The following UNC79 variants were observed in gnomAD, a reference collection of about 807,000 sequenced individuals.
The protein encoded by UNC79 is unc-79 subunit of NALCN channel complex.
UNC79 carries 37 observed loss-of-function variants against 283.1 expected under a neutral mutation model. The ratio of observed to expected loss-of-function variants is 0.13; its 90% CI spans 0.10 to 0.17. The LOEUF is 0.17. UNC79 is among the 10% of genes least tolerant of loss of function. The pLI is 1.00. For synonymous variants in UNC79, 1,107 were observed against 1,200.2 expected (o/e 0.92, Z 1.61); for missense variants, 2,272 against 3,211.1 (o/e 0.71, Z 7.07).
intron 24 of UNC79, among the ~76,000 whole-genome samples, chr14:93,599,054 A>G (rs888072578): frequency 1.3e-5 from 2 of 152,252 alleles, no homozygotes; most frequent in African/African-American, 4.8e-5. Context: ...TAGAGCCTCC[A>G]AAGTTCTGAT....
chr14:93,616,831 T>C (rs1001718635), intron 27 of UNC79, among the ~76,000 whole-genome samples: 3 of 152,244 alleles, frequency 2.0e-5, no homozygotes, highest in Non-Finnish European at 4.4e-5. Context: ...CATTGTCTAG[T>C]TTAACTCTGG....
At chr14:93,698,828 G>A (rs955608596) in intron 47 of UNC79, among the ~76,000 whole-genome samples, 2 of 152,160 alleles carry the variant, frequency 1.3e-5, no homozygotes, top group Non-Finnish European at 2.9e-5. Context: ...TATCTTGATT[G>A]TGGTGCATGG....
At chr14:93,582,372 G>T in intron 20 of UNC79, 28 bp downstream of exon 20, 1 of 1,608,592 alleles carries the variant, frequency 6.2e-7, no homozygotes, top group Non-Finnish European at 8.5e-7. Flanking sequence ...GCCGGGGAAT[G>T]CGCCACGTGC....
At chr14:93,669,346 A>C in intron 40 of UNC79, among the ~76,000 whole-genome samples, 1 of 152,172 alleles carries the variant, frequency 6.6e-6, no homozygotes, top group East Asian at 1.9e-4. Context: ...AGATATTCAG[A>C]GGTGTTAGCC....
At chr14:93,590,339 A>G (rs2064566623) in intron 22 of UNC79, among the ~76,000 whole-genome samples, 1 of 152,150 alleles carries the variant, frequency 6.6e-6, no homozygotes, top group East Asian at 1.9e-4. Flanking sequence ...CTGCAGTGGG[A>G]GGAAGAAGCT....
intron 2 of UNC79, among the ~76,000 whole-genome samples, chr14:93,471,608 ACAT>A (rs1043434583): frequency 6.6e-6 from 1 of 152,134 alleles, no homozygotes; most frequent in Non-Finnish European, 1.5e-5. Context: ...ACTTCACAAA[ACAT>A]CATAAAATCA....
rs182474567 is a variant in UNC79 at position 93,620,378 on chromosome 14, C to T, written c.4388-1243C>T. Among the ~76,000 whole-genome samples, 19 of 152,324 alleles carry T rather than the reference C, an allele frequency of 1.2e-4. No individual in the cohort carries two copies. The East Asian group carries it at 3.7e-3, about 29-fold the overall frequency. On this transcript the variant is annotated intron_variant, in intron 29 of 48. Coordinates refer to ENST00000555664, the Ensembl canonical transcript of UNC79. Reference sequence around the variant, plus strand: ...TGTAGAGTACAGTATTTTGCATTCACACCGTATAAGGTGCATGTACTGTTA... The same window carrying T: ...TGTAGAGTACAGTATTTTGCATTCATACCGTATAAGGTGCATGTACTGTTA...
At chr14:93,568,308 T>C (rs8016684) in intron 14 of UNC79, among the ~76,000 whole-genome samples, 2,154 of 152,280 alleles carry the variant, frequency 0.014, 63 homozygotes, top group African/African-American at 0.05. Context: ...ATCCTTACTC[T>C]GTCTCACATA....
chr14:93,670,302 G>T (rs886894032), intron 40 of UNC79, among the ~76,000 whole-genome samples: 1 of 152,186 alleles, frequency 6.6e-6, no homozygotes, highest in Non-Finnish European at 1.5e-5. Context: ...TGAGGGCTCA[G>T]CCCCTAAGAC....
intron 1 of UNC79, among the ~76,000 whole-genome samples, chr14:93,366,942 G>A (rs1001412175): frequency 3.9e-5 from 6 of 152,158 alleles, no homozygotes; most frequent in African/African-American, 1.4e-4. Flanking sequence ...CCAAAAGACA[G>A]TATTACCAAG....
intron 42 of UNC79, among the ~76,000 whole-genome samples, chr14:93,686,085 G>A (rs1446461701): frequency 6.6e-6 from 1 of 152,146 alleles, no homozygotes; most frequent in African/African-American, 2.4e-5. Context: ...CAGCAAACAC[G>A]ATGCTTGTTT....
At chr14:93,585,384 C>T (rs1304820900) in intron 20 of UNC79, among the ~76,000 whole-genome samples, 2 of 152,214 alleles carry the variant, frequency 1.3e-5, no homozygotes, top group African/African-American at 2.4e-5. Context: ...CTTCCCCTCC[C>T]TTCTAGTGTG....
chr14:93,588,627 G>C (rs990933523), intron 22 of UNC79, among the ~76,000 whole-genome samples: 8 of 151,284 alleles, frequency 5.3e-5, no homozygotes, highest in Non-Finnish European at 1.2e-4. Flanking sequence ...TTTAGTCCCA[G>C]CTACTCGGGA....
At chr14:93,501,744 A>G (rs2059302815) in intron 7 of UNC79, among the ~76,000 whole-genome samples, 1 of 152,186 alleles carries the variant, frequency 6.6e-6, no homozygotes, top group African/African-American at 2.4e-5. Context: ...ACCACCATCC[A>G]GAAATGACTA....
At chr14:93,653,693 T>A in intron 35 of UNC79, 49 bp from the exon 39 acceptor site, 1 of 1,541,578 alleles carries the variant, frequency 6.5e-7, no homozygotes, top group South Asian at 1.2e-5. Flanking sequence ...TCTGAACACC[T>A]GCTCACTGGC....
intron 4 of UNC79, among the ~76,000 whole-genome samples, chr14:93,484,854 C>A (rs1248499316): frequency 1.3e-5 from 2 of 152,170 alleles, no homozygotes; most frequent in African/African-American, 2.4e-5. Context: ...GTAAGTATTG[C>A]AGCCAGTTTT....
intron 33 of UNC79, among the ~76,000 whole-genome samples, chr14:93,641,698 GA>G (rs2069050847): frequency 6.6e-6 from 1 of 152,166 alleles, no homozygotes; most frequent in Non-Finnish European, 1.5e-5. Context: ...CAAGTTTAGA[GA>G]AATCCCCTTG....
intron 35 of UNC79, among the ~76,000 whole-genome samples, chr14:93,653,075 C>T (rs927824143): frequency 6.6e-6 from 1 of 152,066 alleles, no homozygotes; most frequent in Non-Finnish European, 1.5e-5. Flanking sequence ...TATTTACGTT[C>T]TTTGATTTTC....
chr14:93,443,223 CTAAATAAATAAA>C (rs58351659), intron 1 of UNC79, among the ~76,000 whole-genome samples: 18 of 144,742 alleles, frequency 1.2e-4, no homozygotes, highest in South Asian at 4.6e-4. Flanking sequence ...GAGTCAGTCT[CTAAATAAATAAA>C]TAAATAAATA....
Sources: gnomAD v4.1 joint callset for allele counts (sites outside exome capture counted in the v4.1 genomes callset) on GRCh38, gnomAD v4.1.1 for gene constraint, MANE v1.5 for transcripts, NCBI Gene and HGNC (gene_info 2026-07-23, HGNC 2026-07-21) for gene names.